MYO3A: variants seen among roughly 807,000 people sequenced by gnomAD.
MYO3A encodes myosin-IIIa.
A neutral mutation model predicts 192.7 loss-of-function variants in MYO3A; 180 were observed. That is an observed-to-expected ratio of 0.93 (90% CI 0.83 to 1.06). The LOEUF is 1.06. Among genes scored for constraint, MYO3A ranks in the 50% least tolerant of loss-of-function variants. MYO3A has a pLI of 0.00. For missense variants in MYO3A, 1,896 were observed against 1,905.0 expected (o/e 1.00, Z 0.09); for synonymous variants, 628 against 645.3 (o/e 0.97, Z 0.41).
At chr10:26,187,609 T>C (rs1199588762) in intron 31 of MYO3A, among the ~76,000 whole-genome samples, 2 of 150,922 alleles carry the variant, frequency 1.3e-5, no homozygotes, top group Non-Finnish European at 3.0e-5. Context: ...TCATTTAACA[T>C]TAGGTATATC....
At chr10:25,969,484 T>G (rs1379510005) in intron 4 of MYO3A, among the ~76,000 whole-genome samples, 8 of 152,148 alleles carry the variant, frequency 5.3e-5, no homozygotes. Flanking sequence ...TAAAGTGTCT[T>G]ATATGTGAAG....
Position 25,937,479 on chromosome 10 carries a change from C to A in MYO3A, c.-18+1649C>A, listed in dbSNP as rs76995978. Among the ~76,000 whole-genome samples, 619 of 152,286 alleles carry A rather than the reference C, an allele frequency of 4.1e-3. 6 individuals carry two copies. Among genetic ancestry groups the A allele is most frequent in the African/African-American group, 0.014 (566 of 41,550 alleles). On this transcript the variant is annotated intron_variant, in intron 2 of 34. Coordinates refer to ENST00000642920, the MANE Select transcript of MYO3A (RefSeq NM_017433.5). ...ATTTACGAAACAGTTCCTCATAAAA[C>A]TCAGGTGATGCTTATATCAACTCTG...
chr10:26,035,753 G>GGT (rs1179470450), intron 10 of MYO3A, among the ~76,000 whole-genome samples: 1 of 152,172 alleles, frequency 6.6e-6, no homozygotes, highest in Non-Finnish European at 1.5e-5. Flanking sequence ...TTTCCTCACT[G>GGT]GTGTCAGAAG....
At chr10:26,156,477 T>A (rs989290762) in intron 25 of MYO3A, among the ~76,000 whole-genome samples, 5 of 152,228 alleles carry the variant, frequency 3.3e-5, no homozygotes, top group Non-Finnish European at 7.3e-5. Context: ...GCTACTGTTT[T>A]AATAAGGTAT....
In MYO3A at chr10:26,014,172, C is replaced by G. The variant is rs540866839; in HGVS notation, c.509-2648C>G. ...GGATAAAAAAACTACCTCTTAGGTA[C>G]AGCATACGCCACTAGGGTAATGGGT... On this transcript the variant is annotated intron_variant, in intron 6 of 34. Transcript: ENST00000642920. Among the ~76,000 whole-genome samples the G allele has an allele frequency of 9.9e-5, 15 of 152,152 alleles. No homozygotes were observed. In the South Asian group the frequency reaches 3.1e-3, roughly 32 times the overall value.
chr10:25,975,435 G>GT (rs759748175), intron 4 of MYO3A, among the ~76,000 whole-genome samples: 69 of 152,206 alleles, frequency 4.5e-4, no homozygotes, highest in Admixed American at 1.1e-3. Flanking sequence ...GAAAGAAAGC[G>GT]TAACGGCAGT....
At chr10:26,106,346 C>T (rs1412714495) in intron 17 of MYO3A, among the ~76,000 whole-genome samples, 1 of 151,956 alleles carries the variant, frequency 6.6e-6, no homozygotes, top group East Asian at 1.9e-4. Flanking sequence ...TCATCTGGAA[C>T]TTGCATCTTA....
At chr10:25,948,747 C>T (rs577444972) in intron 2 of MYO3A, among the ~76,000 whole-genome samples, 4 of 152,154 alleles carry the variant, frequency 2.6e-5, no homozygotes, top group African/African-American at 7.2e-5. Context: ...TGATTCTAGC[C>T]TAATTCTTGA....
At chr10:26,140,950 TG>T (rs973735889) in intron 20 of MYO3A, among the ~76,000 whole-genome samples, 8 of 152,064 alleles carry the variant, frequency 5.3e-5, no homozygotes, top group Admixed American at 2.0e-4. Flanking sequence ...TTTTATGAGA[TG>T]GAGTCTCGCT....
chr10:25,991,489 T>A (rs1323548864), intron 4 of MYO3A, among the ~76,000 whole-genome samples: 1 of 152,208 alleles, frequency 6.6e-6, no homozygotes. Flanking sequence ...TGGTAGTTTC[T>A]TTTGCTGTGC....
intron 34 of MYO3A, among the ~76,000 whole-genome samples, chr10:26,209,188 G>A (rs1021747804): frequency 2.6e-5 from 4 of 152,144 alleles, no homozygotes; most frequent in Admixed American, 6.5e-5. Flanking sequence ...TTCTATGGAT[G>A]ACCTTTCCAC....
chr10:26,023,897 G>T, intron 8 of MYO3A, 125 bp from the exon 9 acceptor site: 2 of 856,568 alleles, frequency 2.3e-6, no homozygotes, highest in Non-Finnish European at 4.0e-6. Flanking sequence ...TTGGAATTGG[G>T]AAAAGATGGA....
At chr10:26,102,261 G>T (rs770094733) in intron 17 of MYO3A, among the ~76,000 whole-genome samples, 1 of 152,064 alleles carries the variant, frequency 6.6e-6, no homozygotes, top group Non-Finnish European at 1.5e-5. Flanking sequence ...ATCGTTTAAG[G>T]TCTTCTCTAC....
At chr10:26,100,895 G>T (rs1837402053) in intron 17 of MYO3A, among the ~76,000 whole-genome samples, 1 of 152,222 alleles carries the variant, frequency 6.6e-6, no homozygotes, top group South Asian at 2.1e-4. Context: ...GGAGAGTTCT[G>T]TAGATGTCTG....
chr10:26,113,496 A>G (rs1287045105), intron 17 of MYO3A, among the ~76,000 whole-genome samples: 1 of 152,034 alleles, frequency 6.6e-6, no homozygotes, highest in Non-Finnish European at 1.5e-5. Context: ...AACAAAAAAA[A>G]ACTGATTTTG....
chr10:26,113,666 A>G (rs1838331427), intron 17 of MYO3A, among the ~76,000 whole-genome samples: 1 of 152,158 alleles, frequency 6.6e-6, no homozygotes, highest in South Asian at 2.1e-4. Flanking sequence ...CTTGAACTAA[A>G]TGACGCAGCC....
At chr10:26,173,133 G>A (rs1842133792) in intron 29 of MYO3A, among the ~76,000 whole-genome samples, 1 of 151,610 alleles carries the variant, frequency 6.6e-6, no homozygotes, top group South Asian at 2.1e-4. Context: ...TAGCAAAGTA[G>A]CAACTGTGAA....
At chr10:26,096,985 C>T (rs974490368) in intron 17 of MYO3A, among the ~76,000 whole-genome samples, 1 of 151,136 alleles carries the variant, frequency 6.6e-6, no homozygotes, top group African/African-American at 2.4e-5. Context: ...ATATAAATTG[C>T]ATGTTCTTTT....
At chr10:26,024,146 T>G in intron 9 of MYO3A, 59 bp downstream of exon 9, 1 of 1,448,696 alleles carries the variant, frequency 6.9e-7, no homozygotes, top group Non-Finnish European at 9.7e-7. Context: ...TAACTAAATC[T>G]CCTCCTATTT....
Sources: allele counts gnomAD v4.1 joint callset (sites outside exome capture counted in the v4.1 genomes callset), GRCh38; gene constraint gnomAD v4.1.1; transcripts MANE v1.5; gene names NCBI Gene and HGNC (gene_info 2026-07-23, HGNC 2026-07-21).